Variants in DAP3 observed in about 807,000 individuals in gnomAD.
DAP3 encodes the protein small ribosomal subunit protein mS29.
Under a neutral mutation model 51.9 loss-of-function variants are expected in DAP3, and 28 were observed. The observed-to-expected ratio is 0.54, with a 90% CI of 0.40 to 0.74. The LOEUF (loss-of-function observed/expected upper bound fraction) is 0.74. Among genes scored for constraint, DAP3 ranks in the 30% least tolerant of loss-of-function variants. The pLI is 0.00. For missense variants in DAP3, 458 were observed against 483.5 expected (o/e 0.95, Z 0.49); for synonymous variants, 170 against 170.3 (o/e 1.00, Z 0.01).
chr1:155,733,023 C>CA (rs1557801181), intron 11 of DAP3, among the ~76,000 whole-genome samples: 4 of 151,656 alleles, frequency 2.6e-5, no homozygotes, highest in African/African-American at 9.7e-5. Context: ...GACTCCGTCT[C>CA]AAAAAAAAGA....
chr1:155,688,785 C>T (rs1246798914), upstream of DAP3: 4 of 1,540,982 alleles, frequency 2.6e-6, no homozygotes, highest in South Asian at 2.4e-5. Context: ...ACTCCTCGCG[C>T]GTGCGCCTCC....
intron 1 of DAP3, among the ~76,000 whole-genome samples, chr1:155,695,328 G>A (rs548570972): frequency 2.6e-5 from 4 of 152,310 alleles, no homozygotes; most frequent in East Asian, 1.9e-4. Context: ...GCCAACCCTC[G>A]AGGGTTAACA....
chr1:155,724,954 CAA>C (rs916345572), intron 4 of DAP3, among the ~76,000 whole-genome samples: 6 of 94,206 alleles, frequency 6.4e-5, no homozygotes, highest in Admixed American at 1.1e-4. Flanking sequence ...AACTCCGTCT[CAA>C]AAAAAAAAAA....
chr1:155,734,821 T>C (rs1659593714), intron 11 of DAP3, among the ~76,000 whole-genome samples: 1 of 152,228 alleles, frequency 6.6e-6, no homozygotes, highest in Non-Finnish European at 1.5e-5. Context: ...TTCCTACTAG[T>C]AGCCAATTCC....
At chr1:155,733,614 G>A (rs1659466218) in intron 11 of DAP3, among the ~76,000 whole-genome samples, 1 of 152,108 alleles carries the variant, frequency 6.6e-6, no homozygotes. Context: ...CAAGGCGGGT[G>A]GATCACGAGG....
chr1:155,701,297 A>G (rs1259953838), intron 1 of DAP3, among the ~76,000 whole-genome samples: 1 of 85,910 alleles, frequency 1.2e-5, no homozygotes, highest in Non-Finnish European at 2.1e-5. Context: ...TGTAGAAAGA[A>G]GTAGACATGG....
intron 1 of DAP3, among the ~76,000 whole-genome samples, chr1:155,695,944 A>G (rs1474685710): frequency 6.6e-6 from 1 of 152,256 alleles, no homozygotes; most frequent in African/African-American, 2.4e-5. Flanking sequence ...TTTTATTTTT[A>G]GGATGATGAT....
Position 155,721,339 on chromosome 1 carries a change from A to AAT in DAP3, c.169-167_169-166dup, listed in dbSNP as rs150118693. Among the ~76,000 whole-genome samples the AAT allele has an allele frequency of 9.5e-5, 14 of 147,172 alleles. 1 individual carries two copies. Among genetic ancestry groups the AAT allele is most frequent in the East Asian group, 5.8e-4 (3 of 5,160 alleles). On this transcript the variant is annotated intron_variant, in intron 3 of 12. Transcript: ENST00000368336. ...AAAAGTAAAACTCCATTTTAAAAATAATATATATATATGTATGTGTATATA... is the reference window on the plus strand; with the variant it reads ...AAAAGTAAAACTCCATTTTAAAAATAATATATATATATATGTATGTGTATATA...
At chr1:155,688,133 C>T (rs1300242764), upstream of DAP3, 23 of 1,612,574 alleles carry the variant, frequency 1.4e-5, no homozygotes, top group Non-Finnish European at 1.9e-5. Context: ...GGCCGCCAGG[C>T]TCCTCCGCTT....
chr1:155,732,155 C>T (rs1325503132), intron 11 of DAP3, 122 bp downstream of exon 11: 1 of 738,002 alleles, frequency 1.4e-6, no homozygotes, highest in Non-Finnish European at 2.1e-6. Flanking sequence ...TTCCTGTATG[C>T]CCTTCCCCTG....
intron 1 of DAP3, among the ~76,000 whole-genome samples, chr1:155,692,266 G>A (rs1470109497): frequency 2.1e-5 from 3 of 141,616 alleles, no homozygotes; most frequent in Admixed American, 6.6e-5. Context: ...ACATAATGGC[G>A]ATAAGAAGGC....
chr1:155,693,294 C>T (rs372632622), intron 1 of DAP3, among the ~76,000 whole-genome samples: 4 of 141,866 alleles, frequency 2.8e-5, no homozygotes, highest in East Asian at 1.9e-4. Flanking sequence ...TCTGAATGGG[C>T]GCCATTCGGT....
At chr1:155,699,648 C>G (rs1290331828) in intron 1 of DAP3, among the ~76,000 whole-genome samples, 1 of 152,084 alleles carries the variant, frequency 6.6e-6, no homozygotes, top group Admixed American at 6.6e-5. Context: ...GGGTCTTACT[C>G]TGTTACCTGG....
At position 155,703,658 on chromosome 1, in the gene DAP3, C is replaced by T. The variant is rs1655596469; in HGVS notation, c.-7-6115C>T. ...GCTCAAGCAATTCTCCTGCCTCAGC[C>T]TCCTGAGTATCTGGGACTACAGGCG... On this transcript the variant is annotated intron_variant, in intron 1 of 12. Transcript: ENST00000368336. Among the ~76,000 whole-genome samples the T allele has an allele frequency of 2.0e-5, 3 of 152,190 alleles. No individual in the cohort carries two copies. The South Asian group carries it at 6.2e-4, about 32-fold the overall frequency.
At chr1:155,721,929 A>G in intron 4 of DAP3, 1 of 482,996 alleles carries the variant, frequency 2.1e-6, no homozygotes, top group Non-Finnish European at 3.7e-6. Flanking sequence ...ACAAAAGCAA[A>G]ATCATAGTAC....
At chr1:155,696,972 A>G (rs1654600536) in intron 1 of DAP3, among the ~76,000 whole-genome samples, 1 of 152,248 alleles carries the variant, frequency 6.6e-6, no homozygotes. Context: ...GTTGCATTAC[A>G]GCGTTGACCT....
At chr1:155,734,743 A>G (rs928486418) in intron 11 of DAP3, among the ~76,000 whole-genome samples, 4 of 152,176 alleles carry the variant, frequency 2.6e-5, no homozygotes, top group Non-Finnish European at 5.9e-5. Flanking sequence ...AACCATATGC[A>G]TATACATGTT....
At chr1:155,729,180 C>A (rs1658939767) in intron 8 of DAP3, 28 bp from the exon 9 acceptor site, 1 of 1,614,024 alleles carries the variant, frequency 6.2e-7, no homozygotes, top group African/African-American at 1.3e-5. Context: ...CCTCTGGTAG[C>A]ACTACAATCC....
intron 7 of DAP3, among the ~76,000 whole-genome samples, chr1:155,728,365 G>A (rs1215524606): frequency 6.6e-6 from 1 of 151,010 alleles, no homozygotes; most frequent in Non-Finnish European, 1.5e-5. Flanking sequence ...AGTTCAAGAT[G>A]AGCCTGGCCA....
Sources: allele counts gnomAD v4.1 joint callset (sites outside exome capture counted in the v4.1 genomes callset), GRCh38; gene constraint gnomAD v4.1.1; transcripts MANE v1.5; gene names NCBI Gene and HGNC (gene_info 2026-07-23, HGNC 2026-07-21).